Variants in PPFIBP1 observed in about 807,000 individuals in gnomAD.
PPFIBP1 encodes PPFIB scaffold protein 1.
A neutral mutation model predicts 137.8 loss-of-function variants in PPFIBP1; 112 were observed. The observed-to-expected ratio is 0.81, with a 90% CI of 0.70 to 0.95. The LOEUF (loss-of-function observed/expected upper bound fraction) is 0.95, where lower values mean the gene tolerates loss of function less well. Ranked by LOEUF, PPFIBP1 falls within the 40% of genes least tolerant of loss-of-function variation. PPFIBP1 has a pLI of 0.00. For missense variants in PPFIBP1, 1,083 were observed against 1,196.6 expected (o/e 0.91, Z 1.40); for synonymous variants, 378 against 417.3 (o/e 0.91, Z 1.15).
chr12:27,680,956 G>T (rs2060840066), intron 21 of PPFIBP1, among the ~76,000 whole-genome samples: 1 of 152,106 alleles, frequency 6.6e-6, no homozygotes, highest in South Asian at 2.1e-4. Context: ...TTTGCCATAT[G>T]TTGTCTTTGA....
chr12:27,594,690 A>G (rs575981130), intron 2 of PPFIBP1, among the ~76,000 whole-genome samples: 3 of 152,386 alleles, frequency 2.0e-5, no homozygotes, highest in Admixed American at 2.0e-4. Context: ...ATCATTATAT[A>G]AAATTGGAAA....
At chr12:27,634,825 G>A in intron 3 of PPFIBP1, 85 bp from the exon 4 acceptor site, 3 of 1,063,004 alleles carry the variant, frequency 2.8e-6, no homozygotes, top group Non-Finnish European at 4.3e-6. Flanking sequence ...TCCTTACTGT[G>A]ACTAGACTGG....
intron 1 of PPFIBP1, among the ~76,000 whole-genome samples, chr12:27,535,154 C>G (rs142449999): frequency 6.6e-6 from 1 of 151,992 alleles, no homozygotes; most frequent in African/African-American, 2.4e-5. Flanking sequence ...AATGTGTGAC[C>G]CCTTATTCAA....
At chr12:27,538,466 T>C (rs1945294156) in intron 1 of PPFIBP1, among the ~76,000 whole-genome samples, 1 of 152,238 alleles carries the variant, frequency 6.6e-6, no homozygotes, top group African/African-American at 2.4e-5. Context: ...CAGTTAATTA[T>C]GACGTAGCAC....
At chr12:27,601,765 A>G (rs529873893) in intron 2 of PPFIBP1, among the ~76,000 whole-genome samples, 22 of 152,274 alleles carry the variant, frequency 1.4e-4, no homozygotes, top group African/African-American at 5.1e-4. Flanking sequence ...CAACTTTACC[A>G]TCTAGCACGG....
chr12:27,546,804 A>C (rs1427642587), intron 1 of PPFIBP1, among the ~76,000 whole-genome samples: 1 of 152,156 alleles, frequency 6.6e-6, no homozygotes, highest in African/African-American at 2.4e-5. Flanking sequence ...ACTTGAGCCC[A>C]GGAGTTCGAG....
At chr12:27,652,660 C>A (rs569241078) in intron 7 of PPFIBP1, among the ~76,000 whole-genome samples, 1 of 152,178 alleles carries the variant, frequency 6.6e-6, no homozygotes, top group African/African-American at 2.4e-5. Flanking sequence ...TAAATTATCC[C>A]AGTTTACAAT....
intron 1 of PPFIBP1, among the ~76,000 whole-genome samples, chr12:27,551,527 A>AT (rs1483764738): frequency 6.6e-6 from 1 of 152,182 alleles, no homozygotes; most frequent in Non-Finnish European, 1.5e-5. Context: ...TGATGGCTAC[A>AT]TAAAAGGTCT....
Position 27,664,400 on chromosome 12 carries a change from G to A in PPFIBP1, c.945G>A (p.Arg315=), listed in dbSNP as rs576428018. The change falls in exon 12 of 30, where the codon AGG becomes AGA. Residue 315 remains arginine, a synonymous_variant. Transcript: ENST00000228425. The stretch of plus-strand genomic sequence containing the variant: ...AAGATCTTCGACAGTGCCTGAACAG[G>A]TACAAGAAAATGCAAGACACGGTGG... ...KIEDLRQCLN[R]YKKMQDTVVL... 20 of 1,612,920 alleles carry A rather than the reference G, an allele frequency of 1.2e-5. No homozygotes were observed. In the East Asian group the frequency reaches 2.5e-4, roughly 20 times the overall value.
In PPFIBP1 at chr12:27,693,216, A is replaced by G. The variant is rs1303706906; in HGVS notation, c.*334A>G. On this transcript the variant is annotated 3_prime_UTR_variant, in exon 30 of 30. Coordinates refer to ENST00000228425, the MANE Select transcript of PPFIBP1 (RefSeq NM_003622.4). The stretch of plus-strand genomic sequence containing the variant: ...ATGGAGGATTTGAGGAACAGTAACC[A>G]GGATGTGAATGATTTTGTTACATCA... The G allele has an allele frequency of 4.9e-6, 1 of 202,380 alleles. No homozygotes were observed. Among genetic ancestry groups the G allele is most frequent in the East Asian group, 1.3e-4 (1 of 7,586 alleles). 12.5% of individuals were successfully genotyped at this position (202,380 alleles called of 1,614,324 possible).
chr12:27,529,976 A>G (rs1944232411), intron 1 of PPFIBP1, among the ~76,000 whole-genome samples: 1 of 152,198 alleles, frequency 6.6e-6, no homozygotes, highest in African/African-American at 2.4e-5. Context: ...AGTACTCTAC[A>G]CAAATATTAT....
At chr12:27,638,251 G>A (rs1346596806) in intron 4 of PPFIBP1, among the ~76,000 whole-genome samples, 1 of 152,118 alleles carries the variant, frequency 6.6e-6, no homozygotes, top group East Asian at 1.9e-4. Context: ...AATTAAAATT[G>A]ATAGCATCCT....
rs563001944 is a variant in PPFIBP1, at chr12:27,626,554, G to T, written c.-35-6808G>T. Among the ~76,000 whole-genome samples the T allele has an allele frequency of 5.3e-5, 8 of 152,128 alleles. No individual in the cohort carries two copies. The South Asian group carries it at 1.7e-3, about 32-fold the overall frequency. ...TTCTGATTCAGTAGACCTAGGGTGGGGTCTAGGGATTTGCATTTCTTTTTT... is the reference window on the plus strand; with the variant it reads ...TTCTGATTCAGTAGACCTAGGGTGGTGTCTAGGGATTTGCATTTCTTTTTT... On this transcript the variant is annotated intron_variant, in intron 2 of 29. Transcript: ENST00000228425.
intron 1 of PPFIBP1, among the ~76,000 whole-genome samples, chr12:27,566,400 T>C (rs1338423822): frequency 1.3e-5 from 2 of 151,040 alleles, no homozygotes; most frequent in Non-Finnish European, 3.0e-5. Context: ...ATGGAAAGTA[T>C]ATTATTTGCA....
intron 4 of PPFIBP1, chr12:27,635,741 T>C (rs2057616812): frequency 6.5e-6 from 1 of 153,268 alleles, no homozygotes; most frequent in African/African-American, 2.4e-5. Context: ...ACCTCCAGCA[T>C]AAATGGGTTA....
intron 1 of PPFIBP1, among the ~76,000 whole-genome samples, chr12:27,562,339 A>G (rs937746467): frequency 2.6e-5 from 4 of 152,232 alleles, no homozygotes; most frequent in Non-Finnish European, 5.9e-5. Context: ...AAACATGCAC[A>G]ATATCATACA....
intron 11 of PPFIBP1, among the ~76,000 whole-genome samples, chr12:27,661,471 G>T (rs923025086): frequency 1.7e-4 from 1 of 6,010 alleles, no homozygotes; most frequent in Non-Finnish European, 3.5e-4. Flanking sequence ...GGTTTCCACA[G>T]GTTTCCTCCC....
intron 1 of PPFIBP1, among the ~76,000 whole-genome samples, chr12:27,557,260 G>C (rs2048773781): frequency 6.8e-6 from 1 of 146,914 alleles, no homozygotes; most frequent in Admixed American, 6.8e-5. Flanking sequence ...TTTTGAGATG[G>C]AGTCTTGCTG....
chr12:27,567,621 G>A (rs1478532220), intron 1 of PPFIBP1, among the ~76,000 whole-genome samples: 1 of 152,066 alleles, frequency 6.6e-6, no homozygotes, highest in Non-Finnish European at 1.5e-5. Flanking sequence ...GCTGGTCATG[G>A]GTACTTGGCA....
Sources: gnomAD v4.1 joint callset for allele counts (sites outside exome capture counted in the v4.1 genomes callset) on GRCh38, gnomAD v4.1.1 for gene constraint, MANE v1.5 for transcripts, NCBI Gene and HGNC (gene_info 2026-07-23, HGNC 2026-07-21) for gene names.